Variants in STS observed in about 807,000 individuals in gnomAD.
The protein encoded by STS is steryl-sulfatase.
Under a neutral mutation model 26.8 loss-of-function variants are expected in STS, and 7 were observed. The ratio of observed to expected loss-of-function variants is 0.26; its 90% CI spans 0.15 to 0.49. The LOEUF (loss-of-function observed/expected upper bound fraction) is 0.49. Ranked by LOEUF, STS falls within the 20% of genes least tolerant of loss-of-function variation. The probability of loss-of-function intolerance (pLI) is 0.98; values close to 1 mark genes in which losing one functional copy is unlikely to be tolerated. For missense variants in STS, 434 were observed against 465.6 expected, an observed-to-expected ratio of 0.93 and a Z score of 0.63; for synonymous variants, 199 against 189.4, an observed-to-expected ratio of 1.05 and a Z score of -0.42.
At chrX:7,246,622 A>C (rs766870439) in intron 2 of STS, among the ~76,000 whole-genome samples, 33 of 111,522 alleles carry the variant, frequency 3.0e-4, no homozygotes, top group Non-Finnish European at 4.9e-4. Flanking sequence ...GAGACTTTCA[A>C]CTTAGCTGCA....
At chrX:7,242,121 A>G (rs902752679) in intron 2 of STS, among the ~76,000 whole-genome samples, 2 of 110,925 alleles carry the variant, frequency 1.8e-5, no homozygotes, top group Non-Finnish European at 3.8e-5. Flanking sequence ...TACTCATTGG[A>G]AGTAAATCAC....
At chrX:7,245,099 A>G in intron 2 of STS, among the ~76,000 whole-genome samples, 1 of 111,547 alleles carries the variant, frequency 9.0e-6, no homozygotes. Flanking sequence ...TCTTATGGGG[A>G]CAGGAGGTTA....
chrX:7,218,102 T>G (rs1374969317), intron 2 of STS, among the ~76,000 whole-genome samples: 1 of 111,651 alleles, frequency 9.0e-6, no homozygotes, highest in Non-Finnish European at 1.9e-5. Context: ...AAGAAGGGAG[T>G]TGATGAATCT....
chrX:7,320,733 A>G (rs1035852563), intron 8 of STS, among the ~76,000 whole-genome samples: 7 of 111,639 alleles, frequency 6.3e-5, no homozygotes, highest in Admixed American at 5.8e-4. Flanking sequence ...TAAACTTCCC[A>G]TTTGTTGGCT....
intron 2 of STS, among the ~76,000 whole-genome samples, chrX:7,247,807 A>T (rs1454099118): frequency 9.0e-6 from 1 of 111,628 alleles, no homozygotes; most frequent in Non-Finnish European, 1.9e-5. Context: ...AATGCACAGG[A>T]CAGGCCCCTA....
intron 9 of STS, among the ~76,000 whole-genome samples, chrX:7,328,424 C>T (rs1170535246): frequency 9.0e-6 from 1 of 111,682 alleles, no homozygotes; most frequent in African/African-American, 3.3e-5. Flanking sequence ...AAGAAGATAA[C>T]AGCCTCCCTC....
intron 2 of STS, among the ~76,000 whole-genome samples, chrX:7,227,871 A>G (rs1209250777): frequency 1.8e-5 from 2 of 109,771 alleles, no homozygotes; most frequent in Non-Finnish European, 3.8e-5. Context: ...ATAAATCCCC[A>G]TTTTCCCTTC....
At chrX:7,194,419 T>G (rs1195282465) in intron 2 of STS, among the ~76,000 whole-genome samples, 1 of 111,769 alleles carries the variant, frequency 8.9e-6, no homozygotes, top group African/African-American at 3.3e-5. Context: ...ACCAGCTACA[T>G]GACTCCTGAG....
chrX:7,256,678 G>T (rs1923423812), intron 3 of STS, among the ~76,000 whole-genome samples: 1 of 111,684 alleles, frequency 9.0e-6, no homozygotes. Flanking sequence ...CCTCCCTGCA[G>T]TATCCTATTT....
At chrX:7,176,504 G>A (rs563309508) in intron 1 of STS, among the ~76,000 whole-genome samples, 1 of 111,749 alleles carries the variant, frequency 8.9e-6, no homozygotes. Flanking sequence ...CTACAAGTAG[G>A]TGTATTAGTC....
rs774111729 is a variant in STS at position 7,263,100 on chromosome X, G to T, written c.806+3328G>T. On this transcript the variant is annotated intron_variant, in intron 6 of 10. Transcript: ENST00000674429. ...TTTTGTTTTTTTGAGATAGAGTCTCGCTCTGTTGCCCAGGCTGGGGTGCAG... is the reference window on the plus strand; with the variant it reads ...TTTTGTTTTTTTGAGATAGAGTCTCTCTCTGTTGCCCAGGCTGGGGTGCAG... Among the ~76,000 whole-genome samples the T allele has an allele frequency of 7.2e-5, 8 of 111,622 alleles. No individual in the cohort carries two copies. The South Asian group carries it at 1.1e-3, about 16-fold the overall frequency.
At chrX:7,267,939 T>G (rs1924084753) in intron 6 of STS, among the ~76,000 whole-genome samples, 1 of 111,859 alleles carries the variant, frequency 8.9e-6, no homozygotes, top group African/African-American at 3.2e-5. Flanking sequence ...GGTTTATGGA[T>G]AGCAAATCAA....
In STS at chrX:7,305,040, C is replaced by T; in HGVS notation, c.944-6C>T. ...TATTTTTAAATGGAGTCTTTTTCCC[C>T]TCCAGGGCAGATCTTGAACCTTCTG... On this transcript the variant is annotated splice_region_variant and splice_polypyrimidine_tract_variant and intron_variant, in intron 7 of 10. Coordinates refer to ENST00000674429, the MANE Select transcript of STS (RefSeq NM_001320752.2). 2 of 1,210,654 alleles carry T rather than the reference C, an allele frequency of 1.7e-6. No individual in the cohort carries two copies. The highest frequency in any genetic ancestry group is 3.5e-5 in the South Asian group (2 of 56,963).
Position 7,305,066 on chromosome X carries a change from G to C in STS, c.964G>C (p.Asp322His), listed in dbSNP as rs184885146. The change falls in exon 8 of 11, where the codon GAT (aspartate) becomes CAT (histidine). Residue 322 changes from aspartate (D) to histidine (H), a missense_variant. Coordinates refer to ENST00000674429, the MANE Select transcript of STS (RefSeq NM_001320752.2). ...WSVGQILNLL[D>H]ELRLANDTLI... ...TCCAGGGCAGATCTTGAACCTTCTG[G>C]ATGAGCTGAGATTGGCTAATGATAC... 1.3e-5 allele frequency: 16 copies of C among 1,209,315 alleles called. No individual in the cohort carries two copies. The highest frequency in any genetic ancestry group is 6.6e-5 in the Admixed American group (3 of 45,660).
At chrX:7,269,008 C>T (rs980440360) in intron 6 of STS, among the ~76,000 whole-genome samples, 2 of 106,805 alleles carry the variant, frequency 1.9e-5, no homozygotes, top group African/African-American at 6.9e-5. Context: ...AGTATTAGCT[C>T]GGCATGGTCG....
At chrX:7,238,335 C>T (rs1922429808) in intron 2 of STS, among the ~76,000 whole-genome samples, 1 of 111,100 alleles carries the variant, frequency 9.0e-6, no homozygotes, top group African/African-American at 3.3e-5. Flanking sequence ...ATAAACATCA[C>T]AGGGTTTTAG....
intron 1 of STS, among the ~76,000 whole-genome samples, chrX:7,163,242 T>G (rs774948276): frequency 8.9e-6 from 1 of 111,831 alleles, no homozygotes; most frequent in African/African-American, 3.2e-5. Context: ...CACCCACTGC[T>G]AAGTTATAAC....
chrX:7,257,168 A>G lies in STS; in HGVS notation c.138-74A>G, dbSNP rs1601690968. ...GCACTCCAGCCTGGGTGACAGAGTG[A>G]GATCCTGTCTCAAAACTAAATACAT... On this transcript the variant is annotated intron_variant, in intron 3 of 10. Coordinates refer to ENST00000674429, the MANE Select transcript of STS (RefSeq NM_001320752.2). 20 of 1,169,909 alleles carry G rather than the reference A, an allele frequency of 1.7e-5. No individual in the cohort carries two copies. In the East Asian group the frequency reaches 5.4e-4, roughly 31 times the overall value.
chrX:7,165,905 C>A (rs12843292), intron 1 of STS, among the ~76,000 whole-genome samples: 1 of 111,343 alleles, frequency 9.0e-6, no homozygotes, highest in Non-Finnish European at 1.9e-5. Context: ...AACCACTGGT[C>A]TAGGCTAGTG....
Sources: allele counts gnomAD v4.1 joint callset (sites outside exome capture counted in the v4.1 genomes callset), GRCh38; gene constraint gnomAD v4.1.1; transcripts MANE v1.5; gene names NCBI Gene and HGNC (gene_info 2026-07-23, HGNC 2026-07-21).